The following ADGRB3 variants were observed in gnomAD, a reference collection of about 807,000 sequenced individuals.
ADGRB3 encodes adhesion G protein-coupled receptor B3, also known as brain-specific angiogenesis inhibitor 3.
A neutral mutation model predicts 193.4 loss-of-function variants in ADGRB3; 37 were observed. That is an observed-to-expected ratio of 0.19 (90% CI 0.15 to 0.25). ADGRB3 has a LOEUF of 0.25. Ranked by LOEUF, ADGRB3 falls within the 10% of genes least tolerant of loss-of-function variation. ADGRB3 has a pLI of 1.00. For synonymous variants in ADGRB3, 690 were observed against 644.2 expected, an observed-to-expected ratio of 1.07 and a Z score of -1.08; for missense variants, 1,637 against 1,852.9, an observed-to-expected ratio of 0.88 and a Z score of 2.14.
rs531624400 is a variant in ADGRB3 at position 68,896,308 on chromosome 6, TG to T, written c.758-34250del. Among the ~76,000 whole-genome samples, 24 of 152,146 alleles carry T rather than the reference TG, an allele frequency of 1.6e-4. No individual in the cohort carries two copies. In the South Asian group the frequency reaches 5.0e-3, roughly 32 times the overall value. ...ACTACTATGTAGAGGGAATACCAAA[TG>T]AAAAATCCAAAGGACCTGGGGACCT... On this transcript the variant is annotated intron_variant, in intron 3 of 31. Transcript: ENST00000370598.
chr6:69,298,043 G>A (rs985221649), intron 20 of ADGRB3, among the ~76,000 whole-genome samples: 1 of 151,990 alleles, frequency 6.6e-6, no homozygotes, highest in Non-Finnish European at 1.5e-5. Context: ...GCACATGCAG[G>A]CACTCAGTGG....
chr6:69,309,979 T>C (rs1024375812), intron 20 of ADGRB3, among the ~76,000 whole-genome samples: 2 of 151,670 alleles, frequency 1.3e-5, no homozygotes, highest in Admixed American at 6.6e-5. Flanking sequence ...CCCCACCCTG[T>C]CTTCCTCAAC....
At chr6:69,235,264 A>T in intron 19 of ADGRB3, 129 bp downstream of exon 19, 2 of 741,890 alleles carry the variant, frequency 2.7e-6, no homozygotes, top group Non-Finnish European at 2.2e-6. Flanking sequence ...CAACAGAGTT[A>T]TAATTGGTGT....
chr6:68,830,786 G>A (rs879926171), intron 3 of ADGRB3, among the ~76,000 whole-genome samples: 3 of 151,980 alleles, frequency 2.0e-5, no homozygotes, highest in Non-Finnish European at 4.4e-5. Flanking sequence ...TGAGCCGAGG[G>A]TGGTAATCTT....
At chr6:69,120,405 A>T (rs1773650321) in intron 17 of ADGRB3, among the ~76,000 whole-genome samples, 1 of 152,214 alleles carries the variant, frequency 6.6e-6, no homozygotes, top group South Asian at 2.1e-4. Flanking sequence ...CTCAAGTTTG[A>T]GAAACACTGT....
At chr6:68,737,494 A>G (rs1445603508) in intron 3 of ADGRB3, among the ~76,000 whole-genome samples, 2 of 152,092 alleles carry the variant, frequency 1.3e-5, no homozygotes. Context: ...TCAGAATTGA[A>G]GTTCAGGTCT....
intron 30 of ADGRB3, among the ~76,000 whole-genome samples, chr6:69,378,905 C>G (rs1769889534): frequency 6.6e-6 from 1 of 151,954 alleles, no homozygotes; most frequent in South Asian, 2.1e-4. Flanking sequence ...TTTATAGAAT[C>G]ACTTTTTCTC....
At chr6:69,063,124 T>C in intron 16 of ADGRB3, 88 bp downstream of exon 16, 1 of 974,496 alleles carries the variant, frequency 1.0e-6, no homozygotes, top group South Asian at 1.5e-5. Context: ...GAATACATTT[T>C]CTAGACTTTT....
intron 17 of ADGRB3, among the ~76,000 whole-genome samples, chr6:69,172,512 C>T (rs1041502617): frequency 9.3e-5 from 14 of 151,156 alleles, no homozygotes; most frequent in African/African-American, 3.4e-4. Flanking sequence ...GGCATGGTGG[C>T]GGGTGCCTGT....
At chr6:68,833,565 A>ATTTTTTTTTTTTTTTTTTTTTTTTTTTT (rs1220587288) in intron 3 of ADGRB3, among the ~76,000 whole-genome samples, 2 of 149,936 alleles carry the variant, frequency 1.3e-5, no homozygotes, top group Admixed American at 6.8e-5. Flanking sequence ...CTGGATAAGT[A>ATTTTTTTTTTTTTTTTTTTTTTTTTTTT]TTCTTATATT....
intron 3 of ADGRB3, among the ~76,000 whole-genome samples, chr6:68,887,155 A>G (rs1303567282): frequency 6.6e-6 from 1 of 151,976 alleles, no homozygotes; most frequent in African/African-American, 2.4e-5. Context: ...CGATATTGTT[A>G]GTTCAAAGTT....
chr6:69,195,125 C>T (rs1328614966), intron 17 of ADGRB3, among the ~76,000 whole-genome samples: 3 of 152,064 alleles, frequency 2.0e-5, no homozygotes, highest in African/African-American at 7.2e-5. Context: ...ATCCACTTGT[C>T]ACTGAATTCA....
At chr6:68,882,989 G>A (rs944224832) in intron 3 of ADGRB3, among the ~76,000 whole-genome samples, 1 of 151,938 alleles carries the variant, frequency 6.6e-6, no homozygotes, top group African/African-American at 2.4e-5. Flanking sequence ...TGCTTCCTGG[G>A]TTCACGCCAT....
At chr6:68,727,293 A>C (rs1339363913) in intron 3 of ADGRB3, among the ~76,000 whole-genome samples, 1 of 151,634 alleles carries the variant, frequency 6.6e-6, no homozygotes, top group African/African-American at 2.4e-5. Context: ...TTCTCTAGGC[A>C]TATTGTTTGT....
intron 24 of ADGRB3, among the ~76,000 whole-genome samples, chr6:69,333,999 A>T (rs2127315842): frequency 7.8e-6 from 1 of 128,260 alleles, no homozygotes; most frequent in Non-Finnish European, 1.7e-5. Context: ...AATAAAATAA[A>T]ATAAAATAAA....
chr6:68,986,995 T>C (rs1242994275), intron 10 of ADGRB3, among the ~76,000 whole-genome samples: 5 of 152,060 alleles, frequency 3.3e-5, no homozygotes, highest in Non-Finnish European at 7.4e-5. Context: ...CAAGGAGGCT[T>C]AATCCAGAAC....
chr6:69,223,061 A>G (rs1341430903), intron 17 of ADGRB3, among the ~76,000 whole-genome samples: 4 of 152,158 alleles, frequency 2.6e-5, no homozygotes, highest in South Asian at 2.1e-4. Flanking sequence ...CTCTACTACT[A>G]ATATTTGAGT....
chr6:69,366,126 TTC>T (rs888320493), intron 29 of ADGRB3, among the ~76,000 whole-genome samples: 11 of 152,222 alleles, frequency 7.2e-5, no homozygotes, highest in African/African-American at 2.4e-4. Context: ...TTACATTTTT[TTC>T]TCTTTTACAT....
intron 3 of ADGRB3, among the ~76,000 whole-genome samples, chr6:68,682,196 C>T (rs567718748): frequency 2.4e-4 from 36 of 152,168 alleles, no homozygotes; most frequent in Non-Finnish European, 8.8e-5. Flanking sequence ...CTGTATTTTA[C>T]AAGAATCAGG....
Sources: gnomAD v4.1 joint callset for allele counts (sites outside exome capture counted in the v4.1 genomes callset) on GRCh38, gnomAD v4.1.1 for gene constraint, MANE v1.5 for transcripts, NCBI Gene and HGNC (gene_info 2026-07-23, HGNC 2026-07-21) for gene names.